NFXL1: variants seen among roughly 807,000 people sequenced by gnomAD.
The protein encoded by NFXL1 is NF-X1-type zinc finger protein NFXL1.
NFXL1 carries 66 observed loss-of-function variants against 123.3 expected under a neutral mutation model. The observed-to-expected ratio is 0.54, with a 90% CI of 0.44 to 0.66. The LOEUF is 0.66. NFXL1 is among the 30% of genes least tolerant of loss of function. The pLI, the probability that NFXL1 is intolerant of heterozygous loss-of-function variation, is 0.00. For synonymous variants in NFXL1, 346 were observed against 360.8 expected, an observed-to-expected ratio of 0.96 and a Z score of 0.46; for missense variants, 944 against 1,125.6, an observed-to-expected ratio of 0.84 and a Z score of 2.31.
rs767931075 is a variant in NFXL1 at position 47,894,082 on chromosome 4, C to T, written c.1452+98G>A. 1.3e-3 allele frequency: 1,058 copies of T among 791,910 alleles called. 6 individuals carry two copies. The highest frequency in any genetic ancestry group is 5.7e-3 in the Middle Eastern group (23 of 4,046). 49.1% of individuals were successfully genotyped at this position (791,910 alleles called of 1,614,324 possible). ...TATTAAAGGAAAGCATATGCCTGAA[C>T]ATTTGAGAAACAATTCAAGACAGCA... On this transcript the variant is annotated intron_variant, in intron 11 of 22. Coordinates refer to ENST00000507489, the MANE Select transcript of NFXL1 (RefSeq NM_001278624.2).
chr4:47,903,339 C>A lies in NFXL1; in HGVS notation c.517-16G>T. 1 of 1,478,114 alleles carries A rather than the reference C, an allele frequency of 6.8e-7. No homozygotes were observed. The highest frequency in any genetic ancestry group is 2.5e-5 in the Admixed American group (1 of 39,646). The allele number at this position is 1,478,114 out of a possible 1,614,324, so 91.6% of individuals were successfully genotyped here. On this transcript the variant is annotated splice_polypyrimidine_tract_variant and intron_variant, in intron 4 of 22. Transcript: ENST00000507489. ...AGCTCCAAACCTAAGACAAATGTATCAGAAGTTAATATATGTTAATTTTTC... is the reference window on the plus strand; with the variant it reads ...AGCTCCAAACCTAAGACAAATGTATAAGAAGTTAATATATGTTAATTTTTC...
intron 14 of NFXL1, among the ~76,000 whole-genome samples, chr4:47,885,283 G>T (rs1379090109): frequency 6.6e-6 from 1 of 152,096 alleles, no homozygotes; most frequent in Admixed American, 6.5e-5. Context: ...TGATCATAAT[G>T]TAACTATCAC....
At chr4:47,874,397 C>A (rs11933101) in intron 18 of NFXL1, among the ~76,000 whole-genome samples, 49,911 of 151,952 alleles carry the variant, frequency 0.33, 9,871 homozygotes, top group Non-Finnish European at 0.44. Flanking sequence ...TATTAATTGG[C>A]CTAATTTCAA....
chr4:47,884,305 G>GTT (rs755759292), intron 15 of NFXL1, 41 bp downstream of exon 15: 170 of 1,210,022 alleles, frequency 1.4e-4, no homozygotes, highest in Non-Finnish European at 1.7e-4. Flanking sequence ...TATGTCAAAA[G>GTT]TTTTTTGTTT....
intron 18 of NFXL1, among the ~76,000 whole-genome samples, chr4:47,868,612 T>G (rs1201314732): frequency 6.6e-6 from 1 of 150,840 alleles, no homozygotes; most frequent in Non-Finnish European, 1.5e-5. Flanking sequence ...AAACAAACCT[T>G]AATAGGAGAA....
At chr4:47,895,103 A>G (rs1314182080) in intron 10 of NFXL1, among the ~76,000 whole-genome samples, 1 of 152,142 alleles carries the variant, frequency 6.6e-6, no homozygotes, top group East Asian at 1.9e-4. Flanking sequence ...TTTGAAAGGA[A>G]TATTTCCTGA....
At chr4:47,910,407 G>T (rs1187664850) in intron 3 of NFXL1, among the ~76,000 whole-genome samples, 3 of 151,910 alleles carry the variant, frequency 2.0e-5, no homozygotes, top group Non-Finnish European at 2.9e-5. Context: ...AGGAAATAAA[G>T]AATTAAAAAG....
At chr4:47,902,203 A>T (rs963959874) in intron 5 of NFXL1, among the ~76,000 whole-genome samples, 4 of 150,774 alleles carry the variant, frequency 2.7e-5, no homozygotes, top group African/African-American at 4.9e-5. Flanking sequence ...AAATTAAAAT[A>T]AAAAAAAAAT....
At chr4:47,886,571 T>C (rs1360184245) in intron 12 of NFXL1, among the ~76,000 whole-genome samples, 1 of 152,102 alleles carries the variant, frequency 6.6e-6, no homozygotes, top group African/African-American at 2.4e-5. Context: ...GGTCTCACTA[T>C]GTCATCCAGG....
chr4:47,891,122 T>TA (rs1736744976), intron 11 of NFXL1, among the ~76,000 whole-genome samples: 2 of 150,724 alleles, frequency 1.3e-5, no homozygotes, highest in Non-Finnish European at 3.0e-5. Flanking sequence ...TTCTTTTTTT[T>TA]TTTTTTCTTG....
At chr4:47,867,494 T>C (rs1242064103) in intron 18 of NFXL1, among the ~76,000 whole-genome samples, 2 of 151,646 alleles carry the variant, frequency 1.3e-5, no homozygotes, top group African/African-American at 4.8e-5. Flanking sequence ...ACAAAATAAA[T>C]GAAACAGATC....
chr4:47,899,570 TTAAAGC>T (rs755599919), intron 5 of NFXL1, 22 bp from the exon 6 acceptor site: 126 of 1,527,714 alleles, frequency 8.2e-5, no homozygotes, highest in Non-Finnish European at 1.1e-4. Flanking sequence ...AAGAAAATTA[TTAAAGC>T]TAACTTCACC....
Position 47,905,211 on chromosome 4 carries a change from TAATATA to T in NFXL1, c.516+20_516+25del. 1 of 947,450 alleles carries T rather than the reference TAATATA, an allele frequency of 1.1e-6. No homozygotes were observed. Among genetic ancestry groups the T allele is most frequent in the Non-Finnish European group, 1.7e-6 (1 of 591,312 alleles). The allele number at this position is 947,450 out of a possible 1,614,324, so 58.7% of individuals were successfully genotyped here. ...ACTAAGGTATTTTGGGGAGATACAT[TAATATA>T]AATAAGGAGAAAAACTTACTGCTTG... On this transcript the variant is annotated intron_variant, in intron 4 of 22. Transcript: ENST00000507489.
At chr4:47,853,795 T>A (rs1560578859) in intron 20 of NFXL1, among the ~76,000 whole-genome samples, 1 of 152,118 alleles carries the variant, frequency 6.6e-6, no homozygotes, top group South Asian at 2.1e-4. Flanking sequence ...CTCCCTGGTA[T>A]GCCGAGTCTG....
At chr4:47,880,138 G>GT (rs1735999735) in intron 15 of NFXL1, among the ~76,000 whole-genome samples, 1 of 152,018 alleles carries the variant, frequency 6.6e-6, no homozygotes, top group South Asian at 2.1e-4. Context: ...GCTCACACCT[G>GT]TAATCCCTAC....
intron 15 of NFXL1, among the ~76,000 whole-genome samples, chr4:47,880,807 T>TAAAAAAAAA (rs57880960): frequency 1.4e-4 from 11 of 78,814 alleles, no homozygotes; most frequent in Middle Eastern, 9.4e-3. Flanking sequence ...AATTAATGAG[T>TAAAAAAAAA]AAAAAAAAAA....
In NFXL1 at chr4:47,898,797, GCTA is replaced by G. The variant is rs749097590; in HGVS notation, c.1046_1048del (p.Val349del). On this transcript the variant is annotated inframe_deletion, in exon 8 of 23. Transcript: ENST00000507489. The stretch of plus-strand genomic sequence containing the variant: ...TAGTGGACTTGCACAACTTCTTTCA[GCTA>G]CTTTTTTGCCACAGACACACTTTTG... 2.5e-6 allele frequency: 4 copies of G among 1,613,604 alleles called. No homozygotes were observed. The African/African-American group carries it at 5.3e-5, about 22-fold the overall frequency.
intron 5 of NFXL1, among the ~76,000 whole-genome samples, chr4:47,901,791 C>T (rs1737365685): frequency 6.6e-6 from 1 of 152,100 alleles, no homozygotes; most frequent in Non-Finnish European, 1.5e-5. Flanking sequence ...CTTCAATATC[C>T]CCACTGGTAA....
chr4:47,849,674 A>G (rs1734007350), intron 22 of NFXL1, among the ~76,000 whole-genome samples: 1 of 152,176 alleles, frequency 6.6e-6, no homozygotes, highest in Non-Finnish European at 1.5e-5. Context: ...ACACAGTAAA[A>G]TAACTGACAG....
Sources: allele counts gnomAD v4.1 joint callset (sites outside exome capture counted in the v4.1 genomes callset), GRCh38; gene constraint gnomAD v4.1.1; transcripts MANE v1.5; gene names NCBI Gene and HGNC (gene_info 2026-07-23, HGNC 2026-07-21).